GSG1L: variants seen among roughly 807,000 people sequenced by gnomAD.
The protein encoded by GSG1L is germ cell-specific gene 1-like protein.
A neutral mutation model predicts 42.1 loss-of-function variants in GSG1L; 24 were observed. The observed-to-expected ratio is 0.57, with a 90% confidence interval of 0.41 to 0.80. The LOEUF is 0.80. GSG1L is among the 30% of genes least tolerant of loss of function. The pLI is 0.00. For missense variants in GSG1L, 445 were observed against 472.2 expected (o/e 0.94, Z 0.53); for synonymous variants, 215 against 203.5 (o/e 1.06, Z -0.48).
intron 2 of GSG1L, among the ~76,000 whole-genome samples, chr16:27,948,091 C>T (rs995884475): frequency 6.6e-6 from 1 of 152,158 alleles, no homozygotes; most frequent in Non-Finnish European, 1.5e-5. Flanking sequence ...CTCCTTACCC[C>T]CCTTGCTGGG....
rs374548582 is a variant in GSG1L at position 27,828,738 on chromosome 16, G to T, written c.830+51C>A. On this transcript the variant is annotated intron_variant, in intron 5 of 6. Transcript: ENST00000447459. ...GCCCGGTGGCCACTGAGGCCAGGCC[G>T]TGGGCTTTAGAGTCCCCGTGGTGGC... is the stretch of plus-strand genomic sequence containing the variant. 3.8e-6 allele frequency: 6 copies of T among 1,559,264 alleles called. No homozygotes were observed. In the Admixed American group the frequency reaches 1.1e-4, roughly 27 times the overall value.
Position 27,828,859 on chromosome 16 carries a change from CCTTGCGCTTGTGCCGGAA to C in GSG1L, c.742_759del (p.Phe248_Lys253del). The stretch of plus-strand genomic sequence containing the variant: ...TCTTCCCGGTAGCCCTGCTCAAAGA[CCTTGCGCTTGTGCCGGAA>C]CTCAATGACCGTCTTGGTGTAGGAG... On this transcript the variant is annotated inframe_deletion, in exon 5 of 7. Coordinates refer to ENST00000447459, the MANE Select transcript of GSG1L (RefSeq NM_001109763.2). 1 of 1,614,180 alleles carries C rather than the reference CCTTGCGCTTGTGCCGGAA, an allele frequency of 6.2e-7. No homozygotes were observed. The highest frequency in any genetic ancestry group is 1.1e-5 in the South Asian group (1 of 91,076).
intron 5 of GSG1L, among the ~76,000 whole-genome samples, chr16:27,827,597 A>C (rs951986558): frequency 7.9e-5 from 12 of 151,894 alleles, no homozygotes; most frequent in African/African-American, 2.2e-4. Flanking sequence ...GAAACAATGA[A>C]CTCATCCCCT....
chr16:27,807,175 T>C (rs2082974398), intron 6 of GSG1L, among the ~76,000 whole-genome samples: 1 of 152,212 alleles, frequency 6.6e-6, no homozygotes. Flanking sequence ...TAGCCAGGAC[T>C]GTCCTCCCTC....
At chr16:28,044,122 A>G (rs1269855691) in intron 1 of GSG1L, among the ~76,000 whole-genome samples, 3 of 152,106 alleles carry the variant, frequency 2.0e-5, no homozygotes, top group African/African-American at 7.2e-5. Flanking sequence ...CCAATTAAAA[A>G]CCCAACATTT....
At chr16:27,990,518 A>G (rs1041394142) in intron 1 of GSG1L, among the ~76,000 whole-genome samples, 3 of 152,310 alleles carry the variant, frequency 2.0e-5, no homozygotes, top group Non-Finnish European at 2.9e-5. Context: ...TAGAGCCAAT[A>G]AAAGGTCCTC....
chr16:27,939,949 G>A (rs865953329), intron 2 of GSG1L, among the ~76,000 whole-genome samples: 4 of 152,168 alleles, frequency 2.6e-5, no homozygotes, highest in Non-Finnish European at 1.5e-5. Flanking sequence ...CCAAAGTGCC[G>A]GGATTACAGG....
chr16:27,795,329 T>C (rs901997099), intron 6 of GSG1L, among the ~76,000 whole-genome samples: 2 of 152,150 alleles, frequency 1.3e-5, no homozygotes, highest in African/African-American at 4.8e-5. Context: ...GGGTGAAGGC[T>C]CAGGTGATGG....
intron 5 of GSG1L, among the ~76,000 whole-genome samples, chr16:27,826,156 G>GT (rs1236422233): frequency 3.3e-5 from 5 of 151,734 alleles, no homozygotes; most frequent in Admixed American, 3.3e-4. Context: ...AAGTAGAAAG[G>GT]TCCCAAGGTG....
intron 2 of GSG1L, among the ~76,000 whole-genome samples, chr16:27,913,200 A>G (rs562234764): frequency 1.8e-4 from 28 of 152,222 alleles, no homozygotes; most frequent in Non-Finnish European, 2.9e-5. Context: ...ATGATAACAC[A>G]TGTACCATGA....
chr16:27,888,642 G>A (rs2084084766), intron 2 of GSG1L, among the ~76,000 whole-genome samples: 1 of 145,132 alleles, frequency 6.9e-6, no homozygotes, highest in South Asian at 2.2e-4. Flanking sequence ...CTTTAAGACC[G>A]ACTCTCACTC....
At chr16:27,915,957 C>T (rs973726231) in intron 2 of GSG1L, among the ~76,000 whole-genome samples, 2 of 152,180 alleles carry the variant, frequency 1.3e-5, no homozygotes, top group Non-Finnish European at 2.9e-5. Flanking sequence ...ATTCCTGGTG[C>T]CTACCCAGGT....
At chr16:27,927,675 G>A (rs2084610602) in intron 2 of GSG1L, among the ~76,000 whole-genome samples, 2 of 152,118 alleles carry the variant, frequency 1.3e-5, no homozygotes. Flanking sequence ...CCCATCCTCA[G>A]TGCTCCACCC....
chr16:27,916,232 G>A (rs1218339150), intron 2 of GSG1L, among the ~76,000 whole-genome samples: 1 of 152,106 alleles, frequency 6.6e-6, no homozygotes, highest in Admixed American at 6.5e-5. Flanking sequence ...CCCCTTCCAT[G>A]CCATTTCCCT....
intron 2 of GSG1L, among the ~76,000 whole-genome samples, chr16:27,949,614 C>T (rs1321794611): frequency 6.6e-6 from 1 of 151,998 alleles, no homozygotes; most frequent in Admixed American, 6.6e-5. Context: ...AGTGAGACCC[C>T]ATCTCTAAAA....
chr16:27,894,611 C>T (rs2084168846), intron 2 of GSG1L, among the ~76,000 whole-genome samples: 1 of 152,114 alleles, frequency 6.6e-6, no homozygotes, highest in Non-Finnish European at 1.5e-5. Context: ...ACCTCGGGGG[C>T]TGGCAACGTC....
At chr16:28,014,549 G>A (rs138156439) in intron 1 of GSG1L, among the ~76,000 whole-genome samples, 7 of 152,032 alleles carry the variant, frequency 4.6e-5, no homozygotes, top group Middle Eastern at 3.4e-3. Context: ...TGTCACCCAC[G>A]CTGGAGTGCA....
At chr16:28,026,919 TA>T (rs1365960486) in intron 1 of GSG1L, among the ~76,000 whole-genome samples, 1 of 152,106 alleles carries the variant, frequency 6.6e-6, no homozygotes, top group African/African-American at 2.4e-5. Context: ...CCATCTCTAC[TA>T]AAAATACAAA....
At chr16:28,038,715 C>T (rs1442005528) in intron 1 of GSG1L, among the ~76,000 whole-genome samples, 2 of 152,154 alleles carry the variant, frequency 1.3e-5, no homozygotes, top group African/African-American at 2.4e-5. Flanking sequence ...CCAACCTGCC[C>T]GCCCGCTTCT....
Sources: gnomAD v4.1 joint callset for allele counts (sites outside exome capture counted in the v4.1 genomes callset) on GRCh38, gnomAD v4.1.1 for gene constraint, MANE v1.5 for transcripts, NCBI Gene and HGNC (gene_info 2026-07-23, HGNC 2026-07-21) for gene names.